Variants in BEND7 observed in about 807,000 individuals in gnomAD.
The protein encoded by BEND7 is BEN domain-containing protein 7.
A neutral mutation model predicts 50.9 loss-of-function variants in BEND7; 28 were observed. The observed-to-expected ratio is 0.55, with a 90% CI of 0.41 to 0.75. The LOEUF (loss-of-function observed/expected upper bound fraction) is 0.75. BEND7 is among the 30% of genes least tolerant of loss of function. BEND7 has a pLI of 0.00. For synonymous variants in BEND7, 170 were observed against 183.9 expected, an observed-to-expected ratio of 0.92 and a Z score of 0.61; for missense variants, 477 against 491.3, an observed-to-expected ratio of 0.97 and a Z score of 0.28.
intron 6 of BEND7, among the ~76,000 whole-genome samples, chr10:13,474,247 G>A (rs112313555): frequency 4.0e-5 from 6 of 151,542 alleles, no homozygotes; most frequent in African/African-American, 7.3e-5. Flanking sequence ...ACTCGGGGTC[G>A]ACACCCATCA....
At chr10:13,464,196 G>C (rs2073997114) in intron 6 of BEND7, among the ~76,000 whole-genome samples, 1 of 152,196 alleles carries the variant, frequency 6.6e-6, no homozygotes, top group Non-Finnish European at 1.5e-5. Context: ...CCCACACATG[G>C]GCACCCAGAA....
intron 8 of BEND7, chr10:13,446,110 T>C (rs1836260857): frequency 6.6e-6 from 1 of 152,256 alleles, no homozygotes; most frequent in Non-Finnish European, 1.5e-5. Context: ...CTCTTTTATA[T>C]AATGACTCTG....
intron 6 of BEND7, among the ~76,000 whole-genome samples, chr10:13,465,655 T>C (rs1043930272): frequency 6.6e-6 from 1 of 152,204 alleles, no homozygotes; most frequent in Admixed American, 6.5e-5. Context: ...ACCTGGAGGC[T>C]TTTATTATTA....
intron 2 of BEND7, among the ~76,000 whole-genome samples, chr10:13,522,443 G>C (rs574359484): frequency 6.6e-6 from 1 of 152,104 alleles, no homozygotes; most frequent in Non-Finnish European, 1.5e-5. Flanking sequence ...ACTGAGCTTC[G>C]GTTCCCATCA....
At chr10:13,446,117 T>C (rs912426618) in intron 8 of BEND7, 1 of 152,234 alleles carries the variant, frequency 6.6e-6, no homozygotes, top group Non-Finnish European at 1.5e-5. Context: ...ATATAATGAC[T>C]CTGTATGGGA....
At chr10:13,491,964 T>C (rs961933393) in intron 5 of BEND7, among the ~76,000 whole-genome samples, 3 of 151,728 alleles carry the variant, frequency 2.0e-5, no homozygotes, top group African/African-American at 7.3e-5. Flanking sequence ...ATTGCAAATA[T>C]AGTGCACTAT....
At chr10:13,450,209 G>A (rs1210572848) in intron 7 of BEND7, among the ~76,000 whole-genome samples, 2 of 152,202 alleles carry the variant, frequency 1.3e-5, no homozygotes, top group South Asian at 2.1e-4. Context: ...TAGAGGCAGT[G>A]CAGGCTTCCT....
chr10:13,462,638 A>G (rs1357589481), intron 6 of BEND7, among the ~76,000 whole-genome samples: 3 of 152,180 alleles, frequency 2.0e-5, no homozygotes, highest in African/African-American at 7.2e-5. Flanking sequence ...CATAGACATG[A>G]GAGATGGAAA....
downstream of BEND7, chr10:13,439,252 G>A (rs758072709): frequency 2.5e-6 from 4 of 1,614,220 alleles, no homozygotes; most frequent in Admixed American, 5.0e-5. Context: ...CCTCTCTGAT[G>A]ATGAAGTGTA....
chr10:13,528,420 G>C, intron 1 of BEND7, 53 bp downstream of exon 1: 2 of 905,850 alleles, frequency 2.2e-6, no homozygotes, highest in South Asian at 5.0e-5. Context: ...CCCCGCGGGC[G>C]GCCGAGGGCG....
At chr10:13,502,952 T>C in intron 2 of BEND7, 1 of 984,640 alleles carries the variant, frequency 1.0e-6, no homozygotes, top group Non-Finnish European at 1.2e-6. Context: ...GTCCTGCCTC[T>C]GCTCTGTAGA....
intron 2 of BEND7, among the ~76,000 whole-genome samples, chr10:13,520,077 G>T (rs1185548048): frequency 6.6e-6 from 1 of 152,154 alleles, no homozygotes; most frequent in Non-Finnish European, 1.5e-5. Flanking sequence ...ATGGTACAGT[G>T]GAAAGATCGT....
intron 7 of BEND7, among the ~76,000 whole-genome samples, chr10:13,451,925 T>C (rs191930764): frequency 1.4e-4 from 21 of 152,136 alleles, no homozygotes; most frequent in Non-Finnish European, 5.9e-5. Flanking sequence ...ACTAGGAAAT[T>C]GGCCCCCACT....
intron 5 of BEND7, among the ~76,000 whole-genome samples, chr10:13,485,363 T>C (rs2076150564): frequency 6.6e-6 from 1 of 152,226 alleles, no homozygotes; most frequent in Non-Finnish European, 1.5e-5. Context: ...AGATTTTCAA[T>C]GGCAGATTAA....
At chr10:13,512,969 T>C (rs2078385292) in intron 2 of BEND7, among the ~76,000 whole-genome samples, 1 of 152,210 alleles carries the variant, frequency 6.6e-6, no homozygotes, top group Non-Finnish European at 1.5e-5. Context: ...CAAACTTTTC[T>C]GACCATGGTT....
At chr10:13,505,816 C>T (rs1166532450) in intron 2 of BEND7, among the ~76,000 whole-genome samples, 2 of 152,132 alleles carry the variant, frequency 1.3e-5, no homozygotes, top group African/African-American at 2.4e-5. Context: ...GTAACAGTCA[C>T]CCTGTCTGTG....
intron 5 of BEND7, among the ~76,000 whole-genome samples, chr10:13,482,997 T>C (rs2075977650): frequency 6.6e-6 from 1 of 152,226 alleles, no homozygotes; most frequent in Admixed American, 6.5e-5. Flanking sequence ...TTAGAACTTT[T>C]GTTCTAAATG....
intron 6 of BEND7, among the ~76,000 whole-genome samples, chr10:13,476,552 G>A (rs1288157840): frequency 6.6e-6 from 1 of 152,066 alleles, no homozygotes; most frequent in Non-Finnish European, 1.5e-5. Context: ...CCTACAACGG[G>A]GGCTCTAAAA....
chr10:13,473,143 T>A (rs1484627477), intron 6 of BEND7, among the ~76,000 whole-genome samples: 1 of 151,932 alleles, frequency 6.6e-6, no homozygotes, highest in East Asian at 1.9e-4. Context: ...GACTTGGGGT[T>A]GATACCTGTC....
Sources: gnomAD v4.1 joint callset for allele counts (sites outside exome capture counted in the v4.1 genomes callset) on GRCh38, gnomAD v4.1.1 for gene constraint, MANE v1.5 for transcripts, NCBI Gene and HGNC (gene_info 2026-07-23, HGNC 2026-07-21) for gene names.